The following ZNF451 variants were observed in gnomAD, a reference collection of about 807,000 sequenced individuals.
ZNF451 encodes zinc finger protein 451.
A neutral mutation model predicts 107.1 loss-of-function variants in ZNF451; 80 were observed. The observed-to-expected ratio is 0.75, with a 90% CI of 0.62 to 0.90. The LOEUF is 0.90. Among genes scored for constraint, ZNF451 ranks in the 40% least tolerant of loss-of-function variants. The pLI is 0.00. For synonymous variants in ZNF451, 362 were observed against 406.5 expected, an observed-to-expected ratio of 0.89 and a Z score of 1.32; for missense variants, 1,107 against 1,236.2, an observed-to-expected ratio of 0.90 and a Z score of 1.57.
chr6:57,134,187 T>TA (rs1214418301), intron 6 of ZNF451: 1 of 152,356 alleles, frequency 6.6e-6, no homozygotes, highest in Non-Finnish European at 1.5e-5. Context: ...TAGCATTCTA[T>TA]AAAAAACCAG....
intron 3 of ZNF451, 96 bp from the exon 4 acceptor site, chr6:57,124,638 A>T: frequency 1.1e-6 from 1 of 900,920 alleles, no homozygotes; most frequent in Admixed American, 2.4e-5. Flanking sequence ...AACTCAAGTA[A>T]ATGGTTCTTT....
intron 2 of ZNF451, among the ~76,000 whole-genome samples, chr6:57,098,096 A>G (rs1829413750): frequency 6.6e-6 from 1 of 150,794 alleles, no homozygotes; most frequent in South Asian, 2.1e-4. Flanking sequence ...CAGCCTCCTG[A>G]GTAGCTGGGA....
chr6:57,109,212 C>T, intron 3 of ZNF451: 3 of 985,312 alleles, frequency 3.0e-6, no homozygotes, highest in Non-Finnish European at 3.6e-6. Flanking sequence ...TGTTTCCATT[C>T]ATTTTCAGCA....
chr6:57,090,893 G>A lies in ZNF451; in HGVS notation c.104G>A (p.Ser35Asn), dbSNP rs1254824593. 5.9e-5 allele frequency: 3 copies of A among 51,220 alleles called. No homozygotes were observed. Among genetic ancestry groups the A allele is most frequent in the Non-Finnish European group, 3.3e-5 (1 of 30,368 alleles). 3.2% of individuals were successfully genotyped at this position (51,220 alleles called of 1,614,324 possible). ...DENEDDIQFV[S>N]EGPLRPVLEY... is the part of the protein sequence containing the mutation. ...AATGAAGACGACATTCAGTTTGTCA[G>A]TGTAAGTAGCAATGATGATTGGGGT... Residue 35 changes from serine to asparagine, a missense_variant and splice_region_variant, in exon 2 of 15, where the codon AGT (serine) becomes AAT (asparagine). Physicochemically the swap from Ser to Asn is conservative, Grantham distance 46. This residue lies in a region of ZNF451 where 339 missense variants were observed against 372.8 expected (regional missense o/e 0.91). Coordinates refer to ENST00000370706, the MANE Select transcript of ZNF451 (RefSeq NM_001031623.3).
At chr6:57,149,549 T>TCTATAGA (rs1832248598) in intron 10 of ZNF451, among the ~76,000 whole-genome samples, 1 of 152,148 alleles carries the variant, frequency 6.6e-6, no homozygotes, top group Non-Finnish European at 1.5e-5. Flanking sequence ...CTGACTTAAG[T>TCTATAGA]CTATATTCTT....
intron 3 of ZNF451, among the ~76,000 whole-genome samples, chr6:57,123,356 G>A (rs1830736666): frequency 6.6e-6 from 1 of 152,200 alleles, no homozygotes; most frequent in Admixed American, 6.5e-5. Flanking sequence ...ATGCAAAGGT[G>A]CAGCAACATG....
chr6:57,151,997 T>G, intron 11 of ZNF451: 4 of 432,238 alleles, frequency 9.3e-6, no homozygotes, highest in Non-Finnish European at 1.6e-5. Flanking sequence ...AATATCCATG[T>G]GAGTTTTAAG....
intron 3 of ZNF451, chr6:57,105,080 T>G (rs1593087547): frequency 3.0e-6 from 3 of 985,254 alleles, no homozygotes; most frequent in South Asian, 9.4e-5. Context: ...TCTAGGGAGA[T>G]TACCCCAATA....
chr6:57,147,749 A>G lies in ZNF451; in HGVS notation c.1664A>G (p.Asn555Ser), dbSNP rs766505335. The G allele has an allele frequency of 9.9e-6, 16 of 1,613,782 alleles. No homozygotes were observed. The highest frequency in any genetic ancestry group is 5.0e-5 in the Admixed American group (3 of 59,998). ...TIMAHVTEFH[N>S]GHRYFYEMDE... ...ATGGCACATGTGACTGAATTTCATA[A>G]TGGACACAGATATTTTTATGAGATG... Residue 555 changes from asparagine (N) to serine (S), a missense_variant, in exon 10 of 15, where the codon AAT (asparagine) becomes AGT (serine). This residue lies in a region of ZNF451 where 608 missense variants were observed against 649.2 expected (regional missense o/e 0.94). Transcript: ENST00000370706.
At chr6:57,142,551 G>A (rs1831823732) in intron 9 of ZNF451, among the ~76,000 whole-genome samples, 1 of 152,150 alleles carries the variant, frequency 6.6e-6, no homozygotes, top group Admixed American at 6.5e-5. Context: ...CTTCTTATTG[G>A]TAAGTAGTAT....
chr6:57,144,170 A>G (rs982801942), intron 9 of ZNF451, among the ~76,000 whole-genome samples: 1 of 152,112 alleles, frequency 6.6e-6, no homozygotes, highest in Admixed American at 6.5e-5. Context: ...TTTATGTGAA[A>G]AATAGTTGAA....
chr6:57,099,898 A>G (rs1045649981), intron 3 of ZNF451, among the ~76,000 whole-genome samples: 1 of 152,228 alleles, frequency 6.6e-6, no homozygotes, highest in African/African-American at 2.4e-5. Context: ...TTGGAATCAG[A>G]ATACCTGGGT....
rs906130061 is a variant in ZNF451, at chr6:57,170,050, G to C, written c.*1581G>C. The C allele has an allele frequency of 1.3e-5, 2 of 152,154 alleles. No homozygotes were observed. Among genetic ancestry groups the C allele is most frequent in the African/African-American group, 4.8e-5 (2 of 41,438 alleles). 9.4% of individuals were successfully genotyped at this position (152,154 alleles called of 1,614,324 possible). On this transcript the variant is annotated 3_prime_UTR_variant, in exon 15 of 15. Coordinates refer to ENST00000370706, the MANE Select transcript of ZNF451 (RefSeq NM_001031623.3). Reference sequence around the variant, plus strand: ...TTAAGAAGCTTTTGTGGTGTGTGTGGTAGAGAATAATTAAGGCTTCTGATA... The same window carrying C: ...TTAAGAAGCTTTTGTGGTGTGTGTGCTAGAGAATAATTAAGGCTTCTGATA...
At chr6:57,160,312 T>G (rs549245315) in intron 13 of ZNF451, among the ~76,000 whole-genome samples, 12 of 151,980 alleles carry the variant, frequency 7.9e-5, no homozygotes, top group East Asian at 7.7e-4. Flanking sequence ...CCCCTGTCTT[T>G]TCTTTTCTTT....
At chr6:57,127,965 T>C (rs987144506) in intron 4 of ZNF451, among the ~76,000 whole-genome samples, 1 of 152,180 alleles carries the variant, frequency 6.6e-6, no homozygotes, top group African/African-American at 2.4e-5. Flanking sequence ...TGTTTACATA[T>C]TGTCTGTGGC....
chr6:57,135,014 T>C, intron 7 of ZNF451, 144 bp downstream of exon 7: 1 of 700,750 alleles, frequency 1.4e-6, no homozygotes, highest in Non-Finnish European at 2.3e-6. Flanking sequence ...GAAAATAAAA[T>C]GATTTGGGCC....
At chr6:57,107,348 A>G (rs1186139154) in intron 3 of ZNF451, 18 of 983,742 alleles carry the variant, frequency 1.8e-5, no homozygotes, top group Non-Finnish European at 2.2e-5. Flanking sequence ...TTTAAATACC[A>G]TGTCTTTAAA....
At chr6:57,121,121 A>G (rs1369769990) in intron 3 of ZNF451, among the ~76,000 whole-genome samples, 2 of 152,050 alleles carry the variant, frequency 1.3e-5, no homozygotes, top group African/African-American at 4.8e-5. Flanking sequence ...ACTTGTTCAA[A>G]CACCATTTGT....
Position 57,155,561 on chromosome 6 carries a change from A to G in ZNF451, c.3070+1514A>G, listed in dbSNP as rs1184460642. On this transcript the variant is annotated intron_variant, in intron 13 of 14. Coordinates refer to ENST00000370706, the MANE Select transcript of ZNF451 (RefSeq NM_001031623.3). ...GTTCTCAACATCTACTTAATATCCTATAAGATAAAGTTTTACCTTTGCCGC... is the reference window on the plus strand; with the variant it reads ...GTTCTCAACATCTACTTAATATCCTGTAAGATAAAGTTTTACCTTTGCCGC... Among the ~76,000 whole-genome samples, 4 of 152,144 alleles carry G rather than the reference A, an allele frequency of 2.6e-5. No individual in the cohort carries two copies. In the South Asian group the frequency reaches 6.2e-4, roughly 24 times the overall value.
Sources: allele counts gnomAD v4.1 joint callset (sites outside exome capture counted in the v4.1 genomes callset), GRCh38; gene constraint gnomAD v4.1.1; regional missense constraint gnomAD v4.1.1; transcripts MANE v1.5; gene names NCBI Gene and HGNC (gene_info 2026-07-23, HGNC 2026-07-21).